Variants in PYGB observed in about 807,000 individuals in gnomAD.
The protein encoded by PYGB is glycogen phosphorylase, brain form.
PYGB carries 82 observed loss-of-function variants against 94.3 expected under a neutral mutation model. The ratio of observed to expected loss-of-function variants is 0.87; its 90% CI spans 0.73 to 1.04. The LOEUF (loss-of-function observed/expected upper bound fraction) is 1.04. Among genes scored for constraint, PYGB ranks in the 50% least tolerant of loss-of-function variants. PYGB has a pLI of 0.00. For synonymous variants in PYGB, 488 were observed against 479.1 expected (o/e 1.02, Z -0.24); for missense variants, 1,132 against 1,158.2 (o/e 0.98, Z 0.33).
rs141100525 is a variant in PYGB at position 25,248,244 on chromosome 20, A to T, written c.66A>T (p.Leu22=). The T allele has an allele frequency of 1.7e-4, 267 of 1,596,496 alleles. 4 individuals are homozygous for T. In the East Asian group the frequency reaches 2.7e-3, roughly 16 times the overall value. Residue 22 remains leucine (L), a synonymous_variant, in exon 1 of 20, where the codon CTA becomes CTT. Transcript: ENST00000216962. ...KQISVRGLAG[L]GDVAEVRKSF... The stretch of plus-strand genomic sequence containing the variant: ...TCAGCGTGCGCGGCCTGGCGGGGCT[A>T]GGCGACGTGGCCGAGGTGCGGAAGA...
chr20:25,293,217 C>T (rs1047911508), intron 17 of PYGB, among the ~76,000 whole-genome samples: 13 of 152,004 alleles, frequency 8.6e-5, no homozygotes, highest in Non-Finnish European at 1.3e-4. Flanking sequence ...GAGCTTCATC[C>T]ACCTTATCCC....
intron 1 of PYGB, 121 bp from the exon 2 acceptor site, chr20:25,259,116 A>G (rs2123520740): frequency 3.4e-6 from 3 of 888,510 alleles, no homozygotes; most frequent in South Asian, 1.7e-5. Context: ...GTTTTTGTGC[A>G]TGGGGTTGAC....
At chr20:25,285,840 C>T (rs2257809) in intron 14 of PYGB, among the ~76,000 whole-genome samples, 68,460 of 151,984 alleles carry the variant, frequency 0.45, 16,035 homozygotes, top group East Asian at 0.92. Flanking sequence ...CTGCTTCTCA[C>T]GGTCCTTCTG....
intron 2 of PYGB, among the ~76,000 whole-genome samples, chr20:25,266,070 C>G (rs1418874086): frequency 6.6e-6 from 1 of 152,024 alleles, no homozygotes; most frequent in Non-Finnish European, 1.5e-5. Flanking sequence ...AGGCTGTTCT[C>G]AAACTCCTGA....
chr20:25,263,583 A>G (rs1170443752), intron 2 of PYGB, among the ~76,000 whole-genome samples: 1 of 152,246 alleles, frequency 6.6e-6, no homozygotes, highest in Non-Finnish European at 1.5e-5. Flanking sequence ...ATGCAATAAA[A>G]TATGATAAAG....
chr20:25,296,527 ACC>A lies in PYGB; in HGVS notation c.*7_*8del. On this transcript the variant is annotated 3_prime_UTR_variant, in exon 20 of 20. Coordinates refer to ENST00000216962, the MANE Select transcript of PYGB (RefSeq NM_002862.4). ...CCCAACATCCCCCGGGACTAGGCAC[ACC>A]CTGCCTTGGCGGGACCAGCGGGCAT... 3.1e-6 allele frequency: 5 copies of A among 1,610,266 alleles called. No homozygotes were observed. Among genetic ancestry groups the A allele is most frequent in the Non-Finnish European group, 4.2e-6 (5 of 1,178,262 alleles).
At chr20:25,293,788 C>G (rs1459670663) in intron 17 of PYGB, 2 of 304,858 alleles carry the variant, frequency 6.6e-6, no homozygotes, top group Non-Finnish European at 1.3e-5. Flanking sequence ...CTTCCTGCCC[C>G]TCCGGCCGTC....
chr20:25,294,779 A>G, intron 18 of PYGB: 1 of 686,290 alleles, frequency 1.5e-6, no homozygotes, highest in Non-Finnish European at 2.7e-6. Context: ...ATTTCAGTGC[A>G]GTTAGCACAT....
chr20:25,284,134 GAGA>G lies in PYGB; in HGVS notation c.1654_1656del (p.Lys552del), dbSNP rs760709219. ...CAAGCTCAAGTTCTCGGCCTTCCTG[GAGA>G]AGGAGTACAAGGTGAAGATCAACCC... On this transcript the variant is annotated inframe_deletion, in exon 14 of 20. Transcript: ENST00000216962. 19 of 1,613,992 alleles carry G rather than the reference GAGA, an allele frequency of 1.2e-5. No homozygotes were observed. In the African/African-American group the frequency reaches 1.9e-4, roughly 16 times the overall value.
Position 25,283,247 on chromosome 20 carries a change from G to A in PYGB, c.1590G>A (p.Val530=), listed in dbSNP as rs771916540. The change falls in exon 13 of 20, where the codon GTG becomes GTA. Residue 530 remains valine (V), a synonymous_variant. Transcript: ENST00000216962. ...TGCTGCCGCTGGTCAGTGACGAGGTGTTCATCAGGGACGTGGCCAAGGTCA... is the reference window on the plus strand; with the variant it reads ...TGCTGCCGCTGGTCAGTGACGAGGTATTCATCAGGGACGTGGCCAAGGTCA... ...KKLLPLVSDE[V]FIRDVAKVKQ... 6.2e-7 allele frequency: 1 copy of A among 1,613,812 alleles called. No individual in the cohort carries two copies. Among genetic ancestry groups the A allele is most frequent in the Non-Finnish European group, 8.5e-7 (1 of 1,179,880 alleles).
At chr20:25,270,034 AGGC>A (rs2088252014) in intron 3 of PYGB, among the ~76,000 whole-genome samples, 1 of 152,200 alleles carries the variant, frequency 6.6e-6, no homozygotes, top group Non-Finnish European at 1.5e-5. Flanking sequence ...TCCCTGCTGC[AGGC>A]GAGTCCCCAG....
In PYGB at chr20:25,279,128, G is replaced by C. The variant is rs756378229; in HGVS notation, c.1071G>C (p.Val357=). 1 of 1,613,858 alleles carries C rather than the reference G, an allele frequency of 6.2e-7. No individual in the cohort carries two copies. Among genetic ancestry groups the C allele is most frequent in the African/African-American group, 1.3e-5 (1 of 74,918 alleles). ...IPELMRILVD[V]EKVDWDKAWE... is the part of the protein sequence containing the mutation. ...AGCTCATGCGGATCCTGGTGGACGT[G>C]GAGAAGGTGGACTGGGACAAGGTGA... Residue 357 remains valine, a synonymous_variant, in exon 9 of 20, where the codon GTG becomes GTC. Coordinates refer to ENST00000216962, the MANE Select transcript of PYGB (RefSeq NM_002862.4).
In PYGB at chr20:25,248,118, G is replaced by T. The variant is rs200860399; in HGVS notation, c.-61G>T. On this transcript the variant is annotated 5_prime_UTR_variant, in exon 1 of 20. Transcript: ENST00000216962. ...GGCGCCAGAGCAGCTGCACCATCCC[G>T]GCGTTCGCGTGTGCCGCCGCTTTCC... 1 of 1,479,786 alleles carries T rather than the reference G, an allele frequency of 6.8e-7. No homozygotes were observed. The highest frequency in any genetic ancestry group is 8.9e-7 in the Non-Finnish European group (1 of 1,117,882). The allele number at this position is 1,479,786 out of a possible 1,614,324, so 91.7% of individuals were successfully genotyped here.
chr20:25,255,837 G>A (rs1454644188), intron 1 of PYGB, among the ~76,000 whole-genome samples: 1 of 151,908 alleles, frequency 6.6e-6, no homozygotes, highest in African/African-American at 2.4e-5. Context: ...GGGTTCAGGC[G>A]ATTCTCCTGC....
intron 4 of PYGB, among the ~76,000 whole-genome samples, chr20:25,272,194 T>A (rs896778577): frequency 5.9e-5 from 9 of 152,370 alleles, no homozygotes; most frequent in Admixed American, 6.5e-5. Context: ...TTATTTAATA[T>A]CATTTGGGGC....
intron 1 of PYGB, among the ~76,000 whole-genome samples, chr20:25,251,686 G>T (rs1462104062): frequency 6.6e-6 from 1 of 152,184 alleles, no homozygotes; most frequent in Non-Finnish European, 1.5e-5. Context: ...AAGGACAGTT[G>T]CACGGTTTAT....
chr20:25,250,224 T>C (rs1449938486), intron 1 of PYGB, among the ~76,000 whole-genome samples: 1 of 151,686 alleles, frequency 6.6e-6, no homozygotes, highest in African/African-American at 2.4e-5. Flanking sequence ...GGCATTTCCT[T>C]GGAGCTGGAC....
chr20:25,288,069 G>A, intron 14 of PYGB: 1 of 402,956 alleles, frequency 2.5e-6, no homozygotes, highest in East Asian at 5.9e-5. Flanking sequence ...AGGCTCCTGT[G>A]TTGGGCTTTT....
intron 13 of PYGB, among the ~76,000 whole-genome samples, chr20:25,283,857 C>T (rs2088392248): frequency 6.6e-6 from 1 of 152,152 alleles, no homozygotes; most frequent in African/African-American, 2.4e-5. Context: ...TGCTTGGCTC[C>T]AGGCGTGCTC....
Sources: gnomAD v4.1 joint callset for allele counts (sites outside exome capture counted in the v4.1 genomes callset) on GRCh38, gnomAD v4.1.1 for gene constraint, MANE v1.5 for transcripts, NCBI Gene and HGNC (gene_info 2026-07-23, HGNC 2026-07-21) for gene names.